The following SGMS1 variants were observed in gnomAD, a reference collection of about 807,000 sequenced individuals.
SGMS1 encodes the protein phosphatidylcholine:ceramide cholinephosphotransferase 1.
Under a neutral mutation model 46.2 loss-of-function variants are expected in SGMS1, and 13 were observed. The ratio of observed to expected loss-of-function variants is 0.28; its 90% CI spans 0.18 to 0.45. The LOEUF (loss-of-function observed/expected upper bound fraction) is 0.45. Among genes scored for constraint, SGMS1 ranks in the 20% least tolerant of loss-of-function variants. SGMS1 has a pLI of 1.00. For synonymous variants in SGMS1, 203 were observed against 187.8 expected (o/e 1.08, Z -0.66); for missense variants, 324 against 519.9 (o/e 0.62, Z 3.66).
chr10:50,337,450 C>T (rs76489076), intron 7 of SGMS1, among the ~76,000 whole-genome samples: 1,811 of 152,160 alleles, frequency 0.012, 44 homozygotes, highest in African/African-American at 0.042. Flanking sequence ...CCTCCCCCTC[C>T]AACTTCATAT....
At chr10:50,322,161 T>C (rs1847455707) in intron 8 of SGMS1, among the ~76,000 whole-genome samples, 1 of 152,216 alleles carries the variant, frequency 6.6e-6, no homozygotes, top group South Asian at 2.1e-4. Context: ...AAGAGAATCA[T>C]TTCACTGAAA....
At position 50,461,464 on chromosome 10, in the gene SGMS1, G is replaced by T. The variant is rs1056390943; in HGVS notation, c.-454-650C>A. Among the ~76,000 whole-genome samples the T allele has an allele frequency of 5.9e-5, 9 of 152,218 alleles. No individual in the cohort carries two copies. The East Asian group carries it at 1.7e-3, about 29-fold the overall frequency. ...TATGTGAAAGAATATAGAATCTAAT[G>T]GTAGTCAGAAAGGTAGTATATTTTA... On this transcript the variant is annotated intron_variant, in intron 4 of 10. Transcript: ENST00000361781.
chr10:50,511,857 C>A (rs927787800), intron 3 of SGMS1, among the ~76,000 whole-genome samples: 8 of 152,114 alleles, frequency 5.3e-5, no homozygotes, highest in Admixed American at 2.6e-4. Flanking sequence ...CCCTTCTAAC[C>A]TGTACATAAT....
intron 2 of SGMS1, among the ~76,000 whole-genome samples, chr10:50,583,003 T>C (rs1343750158): frequency 2.6e-5 from 4 of 152,148 alleles, no homozygotes; most frequent in African/African-American, 9.6e-5. Context: ...TTGACAGTAA[T>C]AACCAGGGAT....
At position 50,458,339 on chromosome 10, in the gene SGMS1, C is replaced by CTTTTTTTTTTTTTTTTTTTTT. The variant is rs750349777; in HGVS notation, c.-313+2313_-313+2333dup. On this transcript the variant is annotated intron_variant, in intron 5 of 10. Transcript: ENST00000361781. ...TCTGGCTCTGCTATTTTCTTTTTCT[C>CTTTTTTTTTTTTTTTTTTTTT]TTTTTTTTTTTTTTTTTTTTTTTTT... Among the ~76,000 whole-genome samples, 32 of 97,140 alleles carry CTTTTTTTTTTTTTTTTTTTTT rather than the reference C, an allele frequency of 3.3e-4. 2 individuals are homozygous for CTTTTTTTTTTTTTTTTTTTTT. The highest frequency in any genetic ancestry group is 4.2e-4 in the Non-Finnish European group (22 of 52,230). The allele number at this position is 97,140 out of a possible 152,430, so 63.7% of individuals were successfully genotyped here. A position where few individuals can be genotyped will look rare whatever the true frequency, so the allele number is the denominator to read the frequency against.
At chr10:50,394,642 G>A (rs1848819932) in intron 6 of SGMS1, among the ~76,000 whole-genome samples, 1 of 152,172 alleles carries the variant, frequency 6.6e-6, no homozygotes, top group South Asian at 2.1e-4. Flanking sequence ...AAATAAATAT[G>A]CAATAGCAAA....
chr10:50,360,057 G>A (rs1379965684), intron 6 of SGMS1, among the ~76,000 whole-genome samples: 1 of 152,060 alleles, frequency 6.6e-6, no homozygotes, highest in East Asian at 1.9e-4. Context: ...TTTTGAACAT[G>A]TAGTCTGCTT....
chr10:50,355,692 C>T (rs1848132040), intron 6 of SGMS1, among the ~76,000 whole-genome samples: 1 of 152,234 alleles, frequency 6.6e-6, no homozygotes, highest in South Asian at 2.1e-4. Flanking sequence ...GCACGGCTGC[C>T]ACCCCGTCTA....
chr10:50,541,608 G>A (rs78499445), intron 2 of SGMS1, among the ~76,000 whole-genome samples: 1 of 152,276 alleles, frequency 6.6e-6, no homozygotes, highest in African/African-American at 2.4e-5. Flanking sequence ...CACAGAGAGT[G>A]GTTGTTAAGC....
At chr10:50,615,275 G>A (rs902052955) in intron 1 of SGMS1, among the ~76,000 whole-genome samples, 6 of 152,168 alleles carry the variant, frequency 3.9e-5, no homozygotes, top group Non-Finnish European at 8.8e-5. Flanking sequence ...ATCCAATTCT[G>A]GGGCATAAAG....
At chr10:50,452,234 A>G (rs1262356348) in intron 5 of SGMS1, among the ~76,000 whole-genome samples, 1 of 152,192 alleles carries the variant, frequency 6.6e-6, no homozygotes, top group Non-Finnish European at 1.5e-5. Flanking sequence ...TATCTCCAAG[A>G]CATCAAAGTC....
At chr10:50,589,597 A>G (rs1295737012) in intron 2 of SGMS1, among the ~76,000 whole-genome samples, 2 of 152,068 alleles carry the variant, frequency 1.3e-5, no homozygotes, top group African/African-American at 4.8e-5. Flanking sequence ...AGCCTGCTGA[A>G]TAGCTGGGAC....
At chr10:50,551,640 T>A (rs911793270) in intron 2 of SGMS1, among the ~76,000 whole-genome samples, 2 of 152,220 alleles carry the variant, frequency 1.3e-5, no homozygotes, top group South Asian at 4.1e-4. Context: ...CTCTGTACTA[T>A]CTTTGCAACT....
intron 6 of SGMS1, among the ~76,000 whole-genome samples, chr10:50,361,673 C>T (rs1371865134): frequency 6.6e-6 from 1 of 152,142 alleles, no homozygotes; most frequent in African/African-American, 2.4e-5. Context: ...TCAAACTGTT[C>T]CCTTTTCCCT....
At chr10:50,546,907 C>G (rs1026947425) in intron 2 of SGMS1, among the ~76,000 whole-genome samples, 1 of 152,128 alleles carries the variant, frequency 6.6e-6, no homozygotes, top group Non-Finnish European at 1.5e-5. Context: ...ACTTGTGGCA[C>G]TTGCTTTTCC....
chr10:50,351,435 T>C (rs1177982775), intron 6 of SGMS1, among the ~76,000 whole-genome samples: 1 of 152,188 alleles, frequency 6.6e-6, no homozygotes, highest in Non-Finnish European at 1.5e-5. Flanking sequence ...AATGTGAGGA[T>C]GTGAGATTTT....
At chr10:50,463,991 G>A (rs1837298732) in intron 4 of SGMS1, among the ~76,000 whole-genome samples, 2 of 152,132 alleles carry the variant, frequency 1.3e-5, no homozygotes. Context: ...GAAACAGAAG[G>A]TGGTTCGTAA....
chr10:50,440,518 A>G (rs1849531139), intron 5 of SGMS1, among the ~76,000 whole-genome samples: 2 of 152,332 alleles, frequency 1.3e-5, no homozygotes, highest in South Asian at 4.1e-4. Context: ...ATGCTTTGAC[A>G]TAATATTGCT....
intron 7 of SGMS1, among the ~76,000 whole-genome samples, chr10:50,332,711 C>A (rs1447243726): frequency 7.0e-6 from 1 of 142,684 alleles, no homozygotes. Flanking sequence ...CAGTCTCCAT[C>A]TCCCGGGCTC....
Sources: allele counts gnomAD v4.1 joint callset (sites outside exome capture counted in the v4.1 genomes callset), GRCh38; gene constraint gnomAD v4.1.1; transcripts MANE v1.5; gene names NCBI Gene and HGNC (gene_info 2026-07-23, HGNC 2026-07-21).